The following GLCCI1 variants were observed in gnomAD, a reference collection of about 807,000 sequenced individuals.
GLCCI1 encodes glucocorticoid-induced transcript 1 protein.
In GLCCI1, 24 loss-of-function variants were observed where a neutral mutation model predicts 52.2. The observed-to-expected ratio is 0.46, with a 90% confidence interval of 0.33 to 0.65. The LOEUF (loss-of-function observed/expected upper bound fraction) is 0.65, where lower values mean the gene tolerates loss of function less well. GLCCI1 is among the 30% of genes least tolerant of loss of function. The probability of loss-of-function intolerance (pLI) is 0.02; values close to 1 mark genes in which losing one functional copy is unlikely to be tolerated. For synonymous variants in GLCCI1, 310 were observed against 276.5 expected (o/e 1.12, Z -1.20); for missense variants, 704 against 701.5 (o/e 1.00, Z -0.04).
chr7:8,072,311 T>A (rs982404114), intron 6 of GLCCI1, among the ~76,000 whole-genome samples: 3 of 152,238 alleles, frequency 2.0e-5, no homozygotes, highest in Non-Finnish European at 4.4e-5. Context: ...GAAGCTACTT[T>A]GGACTTTGTC....
intron 2 of GLCCI1, among the ~76,000 whole-genome samples, chr7:8,013,221 T>C (rs973742617): frequency 1.3e-5 from 2 of 152,204 alleles, no homozygotes; most frequent in Non-Finnish European, 2.9e-5. Flanking sequence ...CTTTTAATAG[T>C]TTTATGTTTC....
At chr7:8,068,574 G>T (rs1782684842) in intron 5 of GLCCI1, among the ~76,000 whole-genome samples, 2 of 152,050 alleles carry the variant, frequency 1.3e-5, no homozygotes, top group South Asian at 2.1e-4. Context: ...CCTTGGATTG[G>T]GTTTTTGCTT....
At position 8,061,418 on chromosome 7, in the gene GLCCI1, A is replaced by G. The variant is rs569223700; in HGVS notation, c.966+1170A>G. Among the ~76,000 whole-genome samples the G allele has an allele frequency of 2.6e-4, 39 of 152,038 alleles. No homozygotes were observed. In the South Asian group the frequency reaches 7.9e-3, roughly 31 times the overall value. ...CCCAGCCTTTAGTGGTCATTTGTAT[A>G]TCCTCATTGGAGAAATATTTATTTA... On this transcript the variant is annotated intron_variant, in intron 5 of 7. Coordinates refer to ENST00000223145, the MANE Select transcript of GLCCI1 (RefSeq NM_138426.4).
chr7:8,018,716 TG>T (rs1344310756), intron 2 of GLCCI1, among the ~76,000 whole-genome samples: 1 of 152,152 alleles, frequency 6.6e-6, no homozygotes, highest in African/African-American at 2.4e-5. Flanking sequence ...CTACCTTTTT[TG>T]TTAATAGTCT....
intron 3 of GLCCI1, among the ~76,000 whole-genome samples, chr7:8,044,820 A>G (rs1161868844): frequency 6.6e-6 from 1 of 152,350 alleles, no homozygotes; most frequent in East Asian, 1.9e-4. Flanking sequence ...AAATTTAATC[A>G]TAAGTAAATA....
chr7:7,980,679 C>T, intron 1 of GLCCI1: 4 of 768,174 alleles, frequency 5.2e-6, no homozygotes, highest in Non-Finnish European at 9.0e-6. Context: ...GCACAATGTC[C>T]ATGGTGAATA....
chr7:8,044,178 C>G (rs751916490), intron 3 of GLCCI1, among the ~76,000 whole-genome samples: 3 of 151,914 alleles, frequency 2.0e-5, no homozygotes, highest in African/African-American at 7.3e-5. Context: ...ATTTCCTGAC[C>G]TCGCGATCCA....
At position 7,969,514 on chromosome 7, in the gene GLCCI1, C is replaced by T. The variant is rs1780292049; in HGVS notation, c.164C>T (p.Ala55Val). The T allele has an allele frequency of 2.0e-6, 2 of 989,654 alleles. No individual in the cohort carries two copies. Among genetic ancestry groups the T allele is most frequent in the African/African-American group, 1.8e-5 (1 of 56,718 alleles). The allele number at this position is 989,654 out of a possible 1,614,324, so 61.3% of individuals were successfully genotyped here. A position where few individuals can be genotyped will look rare whatever the true frequency, so the allele number is the denominator to read the frequency against. Residue 55 changes from alanine to valine, a missense_variant, in exon 1 of 8, where the codon GCG (alanine) becomes GTG (valine). Transcript: ENST00000223145. This position sits in a 1 kb window ranked among gnomAD's most constrained non-coding sequence, Gnocchi z 4.9. ...GGCGGCGTGGGCTGCGCCCCGGCTG[C>T]GGGAGCCGGCCGGCTGCTGCAGCCC... is the stretch of plus-strand genomic sequence containing the variant. Reference protein sequence around the residue: ...GGGGVGCAPAAGAGRLLQPIR... With the variant: ...GGGGVGCAPAVGAGRLLQPIR...
At chr7:8,078,915 C>T (rs1263718097) in intron 6 of GLCCI1, among the ~76,000 whole-genome samples, 1 of 152,194 alleles carries the variant, frequency 6.6e-6, no homozygotes, top group African/African-American at 2.4e-5. Context: ...TGCCTAAAGA[C>T]ATTATAATAC....
intron 1 of GLCCI1, among the ~76,000 whole-genome samples, chr7:7,993,930 A>C (rs1056079770): frequency 6.6e-6 from 1 of 152,242 alleles, no homozygotes; most frequent in African/African-American, 2.4e-5. Flanking sequence ...ATCCTGATAA[A>C]CACATCATAA....
At chr7:8,005,678 T>C (rs971512532) in intron 2 of GLCCI1, among the ~76,000 whole-genome samples, 2 of 152,208 alleles carry the variant, frequency 1.3e-5, no homozygotes, top group African/African-American at 4.8e-5. Flanking sequence ...TACCTAGTGC[T>C]GTGACACTGC....
chr7:7,993,723 T>C (rs1354916273), intron 1 of GLCCI1, among the ~76,000 whole-genome samples: 1 of 152,018 alleles, frequency 6.6e-6, no homozygotes, highest in Non-Finnish European at 1.5e-5. Context: ...TTTGTGGAGA[T>C]ATTTTGTGAC....
At chr7:8,053,003 G>C (rs1168281047) in intron 3 of GLCCI1, among the ~76,000 whole-genome samples, 1 of 112,858 alleles carries the variant, frequency 8.9e-6, no homozygotes, top group African/African-American at 3.4e-5. Flanking sequence ...TTTTGGTTTT[G>C]TATTATTTAT....
intron 1 of GLCCI1, among the ~76,000 whole-genome samples, chr7:7,993,755 A>G (rs146728704): frequency 0.014 from 2,050 of 151,792 alleles, 38 homozygotes; most frequent in African/African-American, 0.047. Context: ...GTAGATGCCA[A>G]TACTCCTTGA....
chr7:8,068,993 C>G (rs1371182850), intron 5 of GLCCI1, among the ~76,000 whole-genome samples: 1 of 152,188 alleles, frequency 6.6e-6, no homozygotes, highest in Non-Finnish European at 1.5e-5. Flanking sequence ...AGCCACGTGG[C>G]TCTTCTGTAT....
At chr7:8,008,169 C>T (rs576025972) in intron 2 of GLCCI1, among the ~76,000 whole-genome samples, 1 of 152,168 alleles carries the variant, frequency 6.6e-6, no homozygotes, top group East Asian at 1.9e-4. Context: ...TAGTAGATCA[C>T]TTGAAGTTGT....
chr7:8,027,276 T>A (rs1287758622), intron 3 of GLCCI1, among the ~76,000 whole-genome samples: 4 of 152,184 alleles, frequency 2.6e-5, no homozygotes, highest in Non-Finnish European at 4.4e-5. Context: ...TCCCTTGAGG[T>A]CAGGAGTTTG....
At chr7:7,973,963 C>A (rs1280990693) in intron 1 of GLCCI1, among the ~76,000 whole-genome samples, 1 of 151,874 alleles carries the variant, frequency 6.6e-6, no homozygotes, top group African/African-American at 2.4e-5. Context: ...AAGTTTTATT[C>A]TCAGGCTATT....
chr7:8,018,898 A>G (rs1171816912), intron 2 of GLCCI1, among the ~76,000 whole-genome samples: 1 of 152,218 alleles, frequency 6.6e-6, no homozygotes, highest in African/African-American at 2.4e-5. Flanking sequence ...AAAAAATTCT[A>G]GTCTAGATTA....
Sources: allele counts gnomAD v4.1 joint callset (sites outside exome capture counted in the v4.1 genomes callset), GRCh38; gene constraint gnomAD v4.1.1; non-coding constraint Gnocchi (gnomAD v3.1); transcripts MANE v1.5; gene names NCBI Gene and HGNC (gene_info 2026-07-23, HGNC 2026-07-21).